The following CENPW variants were observed in gnomAD, a reference collection of about 807,000 sequenced individuals.
CENPW encodes the protein centromere protein W.
A neutral mutation model predicts 11.1 loss-of-function variants in CENPW; 3 were observed. That is an observed-to-expected ratio of 0.27 (90% confidence interval 0.12 to 0.70). The LOEUF is 0.70. Ranked by LOEUF, CENPW falls within the 30% of genes least tolerant of loss-of-function variation. The pLI is 0.77. For missense variants in CENPW, 100 were observed against 105.6 expected, an observed-to-expected ratio of 0.95 and a Z score of 0.23; for synonymous variants, 38 against 42.0, an observed-to-expected ratio of 0.91 and a Z score of 0.37.
chr6:126,439,653 T>C, the CENPW span, among the ~76,000 whole-genome samples: 2 of 151,684 alleles, frequency 1.3e-5, no homozygotes, highest in African/African-American at 4.8e-5. Context: ...AAATTGATTA[T>C]TTTGGCCACT....
chr6:126,460,546 T>C, the CENPW span, among the ~76,000 whole-genome samples: 1 of 151,924 alleles, frequency 6.6e-6, no homozygotes, highest in East Asian at 1.9e-4. Context: ...AAAAGTGCCA[T>C]GATTCTCCCT....
chr6:126,361,377 G>A, the CENPW span, among the ~76,000 whole-genome samples: 2 of 152,082 alleles, frequency 1.3e-5, no homozygotes, highest in African/African-American at 4.8e-5. Flanking sequence ...CCGGCTCACT[G>A]CAAGCTCCGC....
the CENPW span, among the ~76,000 whole-genome samples, chr6:126,397,563 A>T: frequency 6.6e-6 from 1 of 151,874 alleles, no homozygotes; most frequent in African/African-American, 2.4e-5. Context: ...TATGAAGGTG[A>T]TTTTTTTTGT....
chr6:126,435,858 TG>T, the CENPW span, among the ~76,000 whole-genome samples: 3 of 152,032 alleles, frequency 2.0e-5, no homozygotes, highest in Middle Eastern at 3.4e-3. Context: ...CTTCACTGTT[TG>T]TTTTTTGAAA....
the CENPW span, among the ~76,000 whole-genome samples, chr6:126,364,215 G>A: frequency 8.2e-3 from 1,243 of 152,294 alleles, 7 homozygotes; most frequent in Non-Finnish European, 0.014. Context: ...TGAGCACTCA[G>A]TTACATATTT....
the CENPW span, among the ~76,000 whole-genome samples, chr6:126,425,407 T>A: frequency 1.3e-5 from 2 of 152,114 alleles, no homozygotes; most frequent in African/African-American, 4.8e-5. Context: ...ATAGCCAAAT[T>A]GACCTTTATC....
At chr6:126,446,359 C>T in the CENPW span, among the ~76,000 whole-genome samples, 2 of 145,324 alleles carry the variant, frequency 1.4e-5, no homozygotes, top group African/African-American at 5.1e-5. Context: ...CCTCCCTGGC[C>T]CCCCCACAAG....
chr6:126,363,782 A>G, the CENPW span, among the ~76,000 whole-genome samples: 1 of 152,196 alleles, frequency 6.6e-6, no homozygotes, highest in Non-Finnish European at 1.5e-5. Context: ...CTCCTATTCA[A>G]AGGGAACTCA....
intron 1 of CENPW, 39 bp downstream of exon 1, chr6:126,340,438 G>T: frequency 6.2e-7 from 1 of 1,614,004 alleles, no homozygotes; most frequent in East Asian, 2.2e-5. Context: ...AATGGGGCAC[G>T]GGAGAGGTAA....
At chr6:126,414,793 T>C in the CENPW span, among the ~76,000 whole-genome samples, 1,236 of 149,218 alleles carry the variant, frequency 8.3e-3, 15 homozygotes, top group African/African-American at 0.028. Flanking sequence ...ATAAATAAAA[T>C]AAAACTAAAA....
chr6:126,425,825 G>A, the CENPW span, among the ~76,000 whole-genome samples: 4 of 149,268 alleles, frequency 2.7e-5, no homozygotes, highest in Non-Finnish European at 5.9e-5. Flanking sequence ...CTCAAGTTTT[G>A]TTTTGGTGGA....
the CENPW span, among the ~76,000 whole-genome samples, chr6:126,449,828 C>G: frequency 2.3e-4 from 35 of 151,126 alleles, no homozygotes; most frequent in African/African-American, 8.0e-4. Context: ...ATTATGCCAA[C>G]TAATCTTTGG....
chr6:126,388,616 G>A, the CENPW span, among the ~76,000 whole-genome samples: 1 of 151,974 alleles, frequency 6.6e-6, no homozygotes, highest in Non-Finnish European at 1.5e-5. Flanking sequence ...ATGAGTTTCA[G>A]CTGTCTGAGA....
the CENPW span, among the ~76,000 whole-genome samples, chr6:126,455,869 C>A: frequency 1.3e-5 from 2 of 151,166 alleles, no homozygotes; most frequent in Non-Finnish European, 3.0e-5. Flanking sequence ...AAAACTTCAG[C>A]AAAGGTTTTG....
the CENPW span, among the ~76,000 whole-genome samples, chr6:126,376,587 C>T: frequency 6.6e-6 from 1 of 152,102 alleles, no homozygotes; most frequent in South Asian, 2.1e-4. Context: ...TGATAACAGC[C>T]AGGAGAGGAG....
At chr6:126,478,264 T>C in the CENPW span, among the ~76,000 whole-genome samples, 1 of 151,752 alleles carries the variant, frequency 6.6e-6, no homozygotes, top group Non-Finnish European at 1.5e-5. Context: ...CCAATCTGAG[T>C]GAATTGGTGT....
At chr6:126,381,620 C>G in the CENPW span, among the ~76,000 whole-genome samples, 33 of 152,180 alleles carry the variant, frequency 2.2e-4, 1 homozygote, top group African/African-American at 6.8e-4. Context: ...TCTCAGCACC[C>G]TCTAGCACCC....
chr6:126,434,232 A>C, the CENPW span, among the ~76,000 whole-genome samples: 21 of 152,180 alleles, frequency 1.4e-4, no homozygotes, highest in African/African-American at 5.1e-4. Context: ...TGATACCAAC[A>C]TGAAACTTGC....
chr6:126,401,339 G>T, the CENPW span, among the ~76,000 whole-genome samples: 1 of 151,942 alleles, frequency 6.6e-6, no homozygotes, highest in Admixed American at 6.6e-5. Flanking sequence ...TTGTACTTGG[G>T]CTTCGGAGAG....
Sources: allele counts gnomAD v4.1 joint callset (sites outside exome capture counted in the v4.1 genomes callset), GRCh38; gene constraint gnomAD v4.1.1; transcripts MANE v1.5; gene names NCBI Gene and HGNC (gene_info 2026-07-23, HGNC 2026-07-21).